Variants in HRH1 observed in about 807,000 individuals in gnomAD.
The protein encoded by HRH1 is histamine receptor H1, also known as histamine H1 receptor.
Under a neutral mutation model 10.3 loss-of-function variants are expected in HRH1, and 6 were observed. The ratio of observed to expected loss-of-function variants is 0.58; its 90% CI spans 0.32 to 1.15. The LOEUF is 1.15. Ranked by LOEUF, HRH1 falls within the 50% of genes most tolerant of loss-of-function variation. The pLI is 0.05. For missense variants in HRH1, 514 were observed against 615.3 expected, an observed-to-expected ratio of 0.84 and a Z score of 1.74; for synonymous variants, 242 against 236.7, an observed-to-expected ratio of 1.02 and a Z score of -0.21.
At chr3:11,179,768 GC>G in intron 1 of HRH1, among the ~76,000 whole-genome samples, 1 of 140,004 alleles carries the variant, frequency 7.1e-6, no homozygotes, top group East Asian at 2.0e-4. Flanking sequence ...TGTGTGTGTG[GC>G]TTTTTTTTTT....
At chr3:11,214,914 G>A (rs1938440656) in intron 1 of HRH1, among the ~76,000 whole-genome samples, 2 of 152,196 alleles carry the variant, frequency 1.3e-5, no homozygotes, top group Admixed American at 1.3e-4. Context: ...ATGGGAGAAT[G>A]GTAGGACAAA....
chr3:11,147,999 G>A (rs535276512), intron 1 of HRH1, among the ~76,000 whole-genome samples: 2 of 152,210 alleles, frequency 1.3e-5, no homozygotes, highest in African/African-American at 4.8e-5. Flanking sequence ...GGCCAACATG[G>A]TGAAACTCTG....
chr3:11,179,215 G>C (rs1014598113), intron 1 of HRH1, among the ~76,000 whole-genome samples: 2 of 152,120 alleles, frequency 1.3e-5, no homozygotes, highest in Non-Finnish European at 2.9e-5. Context: ...TGGAACCCAG[G>C]AGGCAGAGAT....
chr3:11,201,572 C>T (rs1179846372), intron 1 of HRH1, among the ~76,000 whole-genome samples: 3 of 152,112 alleles, frequency 2.0e-5, no homozygotes, highest in African/African-American at 7.2e-5. Flanking sequence ...GTGAGGGAAA[C>T]CTCTGCAGAG....
intron 1 of HRH1, among the ~76,000 whole-genome samples, chr3:11,172,343 C>G (rs1937167193): frequency 6.6e-6 from 1 of 152,198 alleles, no homozygotes; most frequent in African/African-American, 2.4e-5. Context: ...GTCACACTGC[C>G]CCAGCCCTCA....
At chr3:11,176,586 G>A (rs139576820) in intron 1 of HRH1, among the ~76,000 whole-genome samples, 9 of 152,274 alleles carry the variant, frequency 5.9e-5, no homozygotes, top group East Asian at 3.9e-4. Flanking sequence ...GCCTACTAGC[G>A]GACCTGAAGG....
At chr3:11,161,529 G>T (rs1273284085) in intron 1 of HRH1, among the ~76,000 whole-genome samples, 1 of 152,188 alleles carries the variant, frequency 6.6e-6, no homozygotes, top group Non-Finnish European at 1.5e-5. Flanking sequence ...GGGAAGCCTG[G>T]TTTTCTTTCC....
At chr3:11,246,031 C>T (rs931659466) in intron 1 of HRH1, among the ~76,000 whole-genome samples, 4 of 151,780 alleles carry the variant, frequency 2.6e-5, no homozygotes, top group Admixed American at 6.6e-5. Flanking sequence ...CACACTCATA[C>T]ACACACTCAC....
intron 1 of HRH1, among the ~76,000 whole-genome samples, chr3:11,189,456 G>A (rs1176003390): frequency 6.6e-6 from 1 of 152,174 alleles, no homozygotes; most frequent in African/African-American, 2.4e-5. Context: ...TCCTCAGTCA[G>A]TAGTGGTCAG....
chr3:11,260,656 C>A lies in HRH1; in HGVS notation c.*155C>A, dbSNP rs1939931284. Reference sequence around the variant, plus strand: ...GGTAGTTTGGAAAGTTCTTAGGCACCATAGAAGAACAGCAGATGGCGGTGA... The same window carrying A: ...GGTAGTTTGGAAAGTTCTTAGGCACAATAGAAGAACAGCAGATGGCGGTGA... On this transcript the variant is annotated 3_prime_UTR_variant, in exon 2 of 2. Transcript: ENST00000431010. The A allele has an allele frequency of 3.0e-6, 2 of 658,488 alleles. No homozygotes were observed. The highest frequency in any genetic ancestry group is 5.3e-6 in the Non-Finnish European group (2 of 374,190). The allele number at this position is 658,488 out of a possible 1,614,324, so 40.8% of individuals were successfully genotyped here.
At chr3:11,204,806 C>T (rs1314274293) in intron 1 of HRH1, among the ~76,000 whole-genome samples, 1 of 152,230 alleles carries the variant, frequency 6.6e-6, no homozygotes, top group Non-Finnish European at 1.5e-5. Context: ...CTTCCCAAAG[C>T]TTGATTCCAA....
intron 1 of HRH1, among the ~76,000 whole-genome samples, chr3:11,157,368 G>A (rs1936830888): frequency 6.6e-6 from 1 of 152,186 alleles, no homozygotes. Flanking sequence ...TTCAGGCCGG[G>A]AATTAGCTAT....
intron 1 of HRH1, among the ~76,000 whole-genome samples, chr3:11,235,807 T>C (rs965305419): frequency 5.9e-5 from 9 of 152,232 alleles, no homozygotes; most frequent in African/African-American, 9.6e-5. Flanking sequence ...TTGGCTGAAA[T>C]AGAGCAGGTG....
At chr3:11,147,942 G>A (rs1936493425) in intron 1 of HRH1, among the ~76,000 whole-genome samples, 1 of 152,090 alleles carries the variant, frequency 6.6e-6, no homozygotes, top group Non-Finnish European at 1.5e-5. Context: ...AGCACTTTGA[G>A]AGGCCAAGGT....
chr3:11,211,849 A>G (rs1938336799), intron 1 of HRH1, among the ~76,000 whole-genome samples: 2 of 152,234 alleles, frequency 1.3e-5, no homozygotes, highest in Non-Finnish European at 2.9e-5. Context: ...TACTGGGACT[A>G]TTCCTGTGGT....
intron 1 of HRH1, among the ~76,000 whole-genome samples, chr3:11,174,835 C>G (rs1360899868): frequency 1.3e-5 from 2 of 152,170 alleles, no homozygotes; most frequent in African/African-American, 2.4e-5. Context: ...CCCAGCAGTG[C>G]TGGTGAGAAG....
At chr3:11,149,125 C>A (rs1232167477) in intron 1 of HRH1, among the ~76,000 whole-genome samples, 1 of 152,186 alleles carries the variant, frequency 6.6e-6, no homozygotes, top group Admixed American at 6.5e-5. Context: ...TTTAAATGTT[C>A]TTGACCTCAG....
chr3:11,144,484 C>CCTATAGACGTATAGACAT (rs1559249839), intron 1 of HRH1, among the ~76,000 whole-genome samples: 54 of 21,060 alleles, frequency 2.6e-3, no homozygotes, highest in Middle Eastern at 0.042. Context: ...CATATATATA[C>CCTATAGACGTATAGACAT]ACACACACAC....
In HRH1 at chr3:11,181,188, G is replaced by T. The variant is rs149814209; in HGVS notation, c.-36+26634G>T. Among the ~76,000 whole-genome samples, 609 of 152,310 alleles carry T rather than the reference G, an allele frequency of 4.0e-3. 8 individuals carry two copies. Among genetic ancestry groups the T allele is most frequent in the African/African-American group, 0.014 (590 of 41,570 alleles). On this transcript the variant is annotated intron_variant, in intron 1 of 1. Transcript: ENST00000431010. ...GTCCCAGCCACTCAGGAGGCTGAGA[G>T]GCAGGAGGATCTCCTGATCCCGGGA...
Sources: allele counts gnomAD v4.1 joint callset (sites outside exome capture counted in the v4.1 genomes callset), GRCh38; gene constraint gnomAD v4.1.1; transcripts MANE v1.5; gene names NCBI Gene and HGNC (gene_info 2026-07-23, HGNC 2026-07-21).